The following SEPTIN10 variants were observed in gnomAD, a reference collection of about 807,000 sequenced individuals.
SEPTIN10 encodes septin 10.
In SEPTIN10, 66 loss-of-function variants were observed where a neutral mutation model predicts 54.8. The ratio of observed to expected loss-of-function variants is 1.21; its 90% CI spans 0.99 to 1.48. The LOEUF is 1.48. Ranked by LOEUF, SEPTIN10 falls within the 40% of genes most tolerant of loss-of-function variation. The probability of loss-of-function intolerance (pLI) is 0.00; values close to 1 mark genes in which losing one functional copy is unlikely to be tolerated. For missense variants in SEPTIN10, 620 were observed against 545.6 expected, an observed-to-expected ratio of 1.14 and a Z score of -1.36; for synonymous variants, 161 against 181.0, an observed-to-expected ratio of 0.89 and a Z score of 0.89.
intron 1 of SEPTIN10, among the ~76,000 whole-genome samples, chr2:109,601,290 C>A (rs533647197): frequency 3.3e-5 from 5 of 152,316 alleles, no homozygotes; most frequent in African/African-American, 9.6e-5. Context: ...CATTAGCATA[C>A]AAAAGACATC....
intron 5 of SEPTIN10, among the ~76,000 whole-genome samples, chr2:109,571,043 G>C (rs55773314): frequency 8.9e-4 from 136 of 152,196 alleles, no homozygotes; most frequent in Non-Finnish European, 1.8e-3. Context: ...TCTTGTGGTA[G>C]TGAGTTCTCA....
At chr2:109,611,718 C>A (rs1200327911) in intron 1 of SEPTIN10, among the ~76,000 whole-genome samples, 1 of 152,124 alleles carries the variant, frequency 6.6e-6, no homozygotes, top group Non-Finnish European at 1.5e-5. Context: ...AGTGAGCCAT[C>A]TTGGCACCAC....
At chr2:109,563,897 G>A (rs181654425) in intron 8 of SEPTIN10, among the ~76,000 whole-genome samples, 2 of 152,272 alleles carry the variant, frequency 1.3e-5, no homozygotes, top group East Asian at 3.9e-4. Flanking sequence ...GAGGTAGGAG[G>A]ATCACTTGAG....
At position 109,585,871 on chromosome 2, in the gene SEPTIN10, T is replaced by TA. The variant is rs201870313; in HGVS notation, c.100-34dup. On this transcript the variant is annotated intron_variant, in intron 2 of 10. Transcript: ENST00000397712. ...AAAATAAAAACAAAAACAACAGCAA[T>TA]AAAAAAAACAACTTTGACTTAAATA... The TA allele has an allele frequency of 3.7e-4, 573 of 1,542,310 alleles. 2 individuals carry two copies. Among genetic ancestry groups the TA allele is most frequent in the African/African-American group, 7.7e-4 (56 of 72,834 alleles).
chr2:109,571,573 T>A (rs571541701), intron 5 of SEPTIN10, among the ~76,000 whole-genome samples: 46 of 152,342 alleles, frequency 3.0e-4, no homozygotes, highest in African/African-American at 1.1e-3. Context: ...AAACATATAA[T>A]ACAGTACAGT....
chr2:109,587,034 G>C (rs192750360), intron 2 of SEPTIN10, among the ~76,000 whole-genome samples: 1 of 152,120 alleles, frequency 6.6e-6, no homozygotes, highest in African/African-American at 2.4e-5. Flanking sequence ...AGTCAAGAAA[G>C]AAAGTCAACA....
At chr2:109,545,340 AT>A in intron 10 of SEPTIN10, 1 of 1,496,708 alleles carries the variant, frequency 6.7e-7, no homozygotes, top group East Asian at 2.5e-5. Flanking sequence ...AAAAGGAAAA[AT>A]AAACTTATTT....
Position 109,545,908 on chromosome 2 carries a change from C to A in SEPTIN10, c.1349+142G>T, listed in dbSNP as rs932990606. 1.3e-5 allele frequency: 19 copies of A among 1,444,978 alleles called. No individual in the cohort carries two copies. The African/African-American group carries it at 2.6e-4, about 19-fold the overall frequency. The allele number at this position is 1,444,978 out of a possible 1,614,324, so 89.5% of individuals were successfully genotyped here. A position where few individuals can be genotyped will look rare whatever the true frequency, so the allele number is the denominator to read the frequency against. ...CAGCAGTGAACAAGAGGGACAAGGT[C>A]TCTCCTCTCCAGGAGCTGACATTTA... On this transcript the variant is annotated intron_variant, in intron 10 of 10. Transcript: ENST00000397712.
intron 1 of SEPTIN10, among the ~76,000 whole-genome samples, chr2:109,609,953 G>A (rs1698885062): frequency 6.6e-6 from 1 of 152,084 alleles, no homozygotes; most frequent in African/African-American, 2.4e-5. Flanking sequence ...TAATTATACA[G>A]CCAGGATCTC....
At chr2:109,591,880 G>C (rs1694152349) in intron 2 of SEPTIN10, among the ~76,000 whole-genome samples, 1 of 151,922 alleles carries the variant, frequency 6.6e-6, no homozygotes. Context: ...CTGGGCAACA[G>C]AGTGAGCAAG....
At chr2:109,608,357 T>G (rs373676330) in intron 1 of SEPTIN10, among the ~76,000 whole-genome samples, 1 of 152,200 alleles carries the variant, frequency 6.6e-6, no homozygotes, top group East Asian at 1.9e-4. Context: ...TCTTTCTATG[T>G]AACACGCACT....
intron 5 of SEPTIN10, among the ~76,000 whole-genome samples, chr2:109,568,272 G>T (rs548315197): frequency 6.6e-6 from 1 of 151,806 alleles, no homozygotes. Flanking sequence ...TCTCAGCCTG[G>T]CCCTTTGCAG....
intron 1 of SEPTIN10, among the ~76,000 whole-genome samples, chr2:109,602,730 G>A (rs1696914062): frequency 6.9e-6 from 1 of 144,298 alleles, no homozygotes; most frequent in African/African-American, 2.6e-5. Context: ...TCCTTCAAAA[G>A]AGAGCATGTT....
At chr2:109,546,740 T>C (rs1054838194) in intron 9 of SEPTIN10, among the ~76,000 whole-genome samples, 5 of 152,214 alleles carry the variant, frequency 3.3e-5, no homozygotes, top group Non-Finnish European at 5.9e-5. Context: ...TAAAACTGTA[T>C]TCTATTTTTC....
At chr2:109,589,075 C>A (rs1307700096) in intron 2 of SEPTIN10, among the ~76,000 whole-genome samples, 1 of 151,632 alleles carries the variant, frequency 6.6e-6, no homozygotes, top group African/African-American at 2.4e-5. Context: ...GGATTATAGG[C>A]GCCACCACGC....
chr2:109,593,847 A>T (rs183408477), intron 1 of SEPTIN10, among the ~76,000 whole-genome samples: 274 of 152,326 alleles, frequency 1.8e-3, no homozygotes, highest in African/African-American at 6.3e-3. Flanking sequence ...TAATTTGAAC[A>T]AGTACCTTAG....
At chr2:109,558,914 C>G (rs1684991403) in intron 8 of SEPTIN10, among the ~76,000 whole-genome samples, 2 of 151,236 alleles carry the variant, frequency 1.3e-5, no homozygotes, top group African/African-American at 4.9e-5. Flanking sequence ...GAGATGGAGT[C>G]TCGCTCTGTT....
At chr2:109,558,280 C>CTAT (rs1684845746) in intron 8 of SEPTIN10, among the ~76,000 whole-genome samples, 1 of 152,136 alleles carries the variant, frequency 6.6e-6, no homozygotes, top group South Asian at 2.1e-4. Flanking sequence ...TTTTCCAAGT[C>CTAT]TACTATAGAC....
intron 1 of SEPTIN10, among the ~76,000 whole-genome samples, chr2:109,602,680 T>TA (rs1180569816): frequency 0.036 from 3,403 of 95,054 alleles, 52 homozygotes; most frequent in South Asian, 0.082. Flanking sequence ...CATCTCAAAT[T>TA]AAAAAAAAAA....
Sources: allele counts gnomAD v4.1 joint callset (sites outside exome capture counted in the v4.1 genomes callset), GRCh38; gene constraint gnomAD v4.1.1; transcripts MANE v1.5; gene names NCBI Gene and HGNC (gene_info 2026-07-23, HGNC 2026-07-21).